The following AUTS2 variants were observed in gnomAD, a reference collection of about 807,000 sequenced individuals.
The protein encoded by AUTS2 is autism susceptibility gene 2 protein.
Under a neutral mutation model 112.4 loss-of-function variants are expected in AUTS2, and 17 were observed. The observed-to-expected ratio is 0.15, with a 90% confidence interval of 0.10 to 0.23. The LOEUF (loss-of-function observed/expected upper bound fraction) is 0.23. Among genes scored for constraint, AUTS2 ranks in the 10% least tolerant of loss-of-function variants. The pLI is 1.00. For synonymous variants in AUTS2, 751 were observed against 702.7 expected (o/e 1.07, Z -1.09); for missense variants, 1,510 against 1,701.6 (o/e 0.89, Z 1.98).
chr7:69,812,883 A>G (rs1452161365), intron 1 of AUTS2, among the ~76,000 whole-genome samples: 1 of 152,092 alleles, frequency 6.6e-6, no homozygotes, highest in African/African-American at 2.4e-5. Context: ...CTGCCTCAGT[A>G]GCCTCCCACC....
chr7:70,454,659 G>A (rs1191385584), intron 5 of AUTS2, among the ~76,000 whole-genome samples: 1 of 152,212 alleles, frequency 6.6e-6, no homozygotes, highest in East Asian at 1.9e-4. Flanking sequence ...CTTTGCGACT[G>A]AGCGTTTCCC....
intron 4 of AUTS2, among the ~76,000 whole-genome samples, chr7:70,300,256 A>G (rs1789147913): frequency 6.6e-6 from 1 of 152,162 alleles, no homozygotes; most frequent in Non-Finnish European, 1.5e-5. Context: ...AATAATAATA[A>G]TGGCAGAAAC....
At chr7:69,924,033 G>A (rs974867588) in intron 2 of AUTS2, among the ~76,000 whole-genome samples, 5 of 152,088 alleles carry the variant, frequency 3.3e-5, no homozygotes, top group Non-Finnish European at 7.4e-5. Context: ...TGATTTTAGG[G>A]GGAAAGACAG....
intron 1 of AUTS2, among the ~76,000 whole-genome samples, chr7:69,613,659 A>G (rs1163283183): frequency 1.3e-5 from 2 of 152,204 alleles, no homozygotes. Context: ...ATTACTGTGC[A>G]TATAAGCTTA....
At chr7:70,261,092 A>C (rs990692338) in intron 4 of AUTS2, among the ~76,000 whole-genome samples, 1 of 152,214 alleles carries the variant, frequency 6.6e-6, no homozygotes, top group Non-Finnish European at 1.5e-5. Context: ...AAGAAGCAGT[A>C]TACATTACTA....
intron 5 of AUTS2, among the ~76,000 whole-genome samples, chr7:70,673,975 T>G (rs1273028805): frequency 6.6e-6 from 1 of 152,206 alleles, no homozygotes; most frequent in Non-Finnish European, 1.5e-5. Flanking sequence ...ATCCTGAGCT[T>G]CAGAGATGAC....
chr7:69,667,343 T>G (rs1339041818), intron 1 of AUTS2, among the ~76,000 whole-genome samples: 1 of 121,080 alleles, frequency 8.3e-6, no homozygotes, highest in Non-Finnish European at 1.7e-5. Flanking sequence ...AGCTTTTGTT[T>G]TGTTGTGTTT....
At chr7:70,019,326 C>T (rs946787693) in intron 2 of AUTS2, among the ~76,000 whole-genome samples, 1 of 152,062 alleles carries the variant, frequency 6.6e-6, no homozygotes, top group Non-Finnish European at 1.5e-5. Context: ...AGGCTTAATA[C>T]CTGGGTGATG....
chr7:70,435,133 C>CT (rs1414705282), intron 4 of AUTS2, among the ~76,000 whole-genome samples: 2 of 152,162 alleles, frequency 1.3e-5, no homozygotes, highest in Non-Finnish European at 2.9e-5. Flanking sequence ...GACCTCTTGT[C>CT]TTTGGCATAC....
At chr7:70,383,794 T>G (rs1793483203) in intron 4 of AUTS2, among the ~76,000 whole-genome samples, 1 of 152,228 alleles carries the variant, frequency 6.6e-6, no homozygotes, top group Non-Finnish European at 1.5e-5. Flanking sequence ...TGCAGCCTCT[T>G]AGGAGACTTA....
At chr7:70,506,620 C>A (rs1275793686) in intron 5 of AUTS2, among the ~76,000 whole-genome samples, 1 of 152,140 alleles carries the variant, frequency 6.6e-6, no homozygotes, top group Non-Finnish European at 1.5e-5. Flanking sequence ...AAAACAGACA[C>A]GTGCTCCGCG....
intron 2 of AUTS2, among the ~76,000 whole-genome samples, chr7:70,087,746 T>G (rs1015159024): frequency 6.6e-6 from 1 of 152,214 alleles, no homozygotes; most frequent in Non-Finnish European, 1.5e-5. Flanking sequence ...TTGGGAAGTA[T>G]TCCCTTCTCT....
At chr7:70,008,729 A>C (rs1799657139) in intron 2 of AUTS2, among the ~76,000 whole-genome samples, 1 of 152,230 alleles carries the variant, frequency 6.6e-6, no homozygotes, top group East Asian at 1.9e-4. Flanking sequence ...GAGATTTCTG[A>C]AAATTTTGAA....
chr7:69,609,148 T>C (rs1334995824), intron 1 of AUTS2, among the ~76,000 whole-genome samples: 2 of 152,222 alleles, frequency 1.3e-5, no homozygotes, highest in Non-Finnish European at 2.9e-5. Context: ...CACTGGGAGT[T>C]AGAGGCTCTC....
intron 4 of AUTS2, among the ~76,000 whole-genome samples, chr7:70,287,173 A>G (rs564302020): frequency 6.6e-6 from 1 of 152,226 alleles, no homozygotes; most frequent in African/African-American, 2.4e-5. Context: ...GGATCTCTGT[A>G]TCTCTTCAAC....
At chr7:70,568,786 C>T (rs1348297235) in intron 5 of AUTS2, among the ~76,000 whole-genome samples, 1 of 152,228 alleles carries the variant, frequency 6.6e-6, no homozygotes, top group Non-Finnish European at 1.5e-5. Flanking sequence ...CTGGAGAGAC[C>T]TTTGAAACAC....
chr7:70,166,695 T>A (rs1004641445), intron 4 of AUTS2, among the ~76,000 whole-genome samples: 5 of 151,536 alleles, frequency 3.3e-5, no homozygotes, highest in Admixed American at 6.6e-5. Context: ...GGCAAAAAAA[T>A]TAAGAAAAAA....
intron 1 of AUTS2, among the ~76,000 whole-genome samples, chr7:69,800,894 C>T (rs1353020554): frequency 1.3e-5 from 2 of 152,158 alleles, no homozygotes; most frequent in African/African-American, 4.8e-5. Context: ...TTCTTACCCC[C>T]TCACCTTTTT....
intron 5 of AUTS2, among the ~76,000 whole-genome samples, chr7:70,697,735 A>G (rs1167327701): frequency 6.6e-6 from 1 of 152,128 alleles, no homozygotes; most frequent in Non-Finnish European, 1.5e-5. Context: ...TTAAATGCAG[A>G]TATATCCTCA....
Sources: gnomAD v4.1 joint callset for allele counts (sites outside exome capture counted in the v4.1 genomes callset) on GRCh38, gnomAD v4.1.1 for gene constraint, MANE v1.5 for transcripts, NCBI Gene and HGNC (gene_info 2026-07-23, HGNC 2026-07-21) for gene names.